Variants in NOL11 observed in about 807,000 individuals in gnomAD.
The protein encoded by NOL11 is nucleolar protein 11.
A neutral mutation model predicts 93.0 loss-of-function variants in NOL11; 42 were observed. The ratio of observed to expected loss-of-function variants is 0.45; its 90% confidence interval spans 0.35 to 0.58. The LOEUF is 0.58. NOL11 is among the 20% of genes least tolerant of loss of function. The pLI, the probability that NOL11 is intolerant of heterozygous loss-of-function variation, is 0.00. For missense variants in NOL11, 775 were observed against 841.8 expected, an observed-to-expected ratio of 0.92 and a Z score of 0.98; for synonymous variants, 296 against 293.7, an observed-to-expected ratio of 1.01 and a Z score of -0.08.
In NOL11 at chr17:67,721,482, C is replaced by G; in HGVS notation, c.417C>G (p.Pro139=). ...VRGLEALLAD[P]QQKIETVISD... ...GTTTAGAGGCCTTGCTTGCAGACCCCCAGCAGAAAATTGAAACTGTTATCT... is the reference window on the plus strand; with the variant it reads ...GTTTAGAGGCCTTGCTTGCAGACCCGCAGCAGAAAATTGAAACTGTTATCT... The change falls in exon 4 of 18, where the codon CCC becomes CCG. Residue 139 remains proline (P), a synonymous_variant. Transcript: ENST00000253247. 1 of 1,613,924 alleles carries G rather than the reference C, an allele frequency of 6.2e-7. No individual in the cohort carries two copies. Among genetic ancestry groups the G allele is most frequent in the Non-Finnish European group, 8.5e-7 (1 of 1,179,912 alleles).
chr17:67,725,344 C>T (rs546402051), intron 6 of NOL11, among the ~76,000 whole-genome samples: 1 of 152,082 alleles, frequency 6.6e-6, no homozygotes, highest in East Asian at 1.9e-4. Flanking sequence ...GATTGTAATA[C>T]CTTTATGAAA....
chr17:67,739,130 G>T, intron 15 of NOL11, 120 bp downstream of exon 15: 2 of 755,992 alleles, frequency 2.6e-6, no homozygotes, highest in Admixed American at 5.2e-5. Flanking sequence ...ATAAGAGGTT[G>T]CCCAGCTCTA....
At chr17:67,733,162 G>A (rs551602769) in intron 7 of NOL11, among the ~76,000 whole-genome samples, 1 of 151,788 alleles carries the variant, frequency 6.6e-6, no homozygotes, top group East Asian at 2.0e-4. Context: ...TCAGGAGTTC[G>A]AGACCAGCCT....
intron 7 of NOL11, among the ~76,000 whole-genome samples, chr17:67,733,429 CAGT>C (rs2055173227): frequency 1.3e-5 from 2 of 152,132 alleles, no homozygotes; most frequent in African/African-American, 2.4e-5. Context: ...ACTTGAATAG[CAGT>C]GGTGAAAATA....
intron 16 of NOL11, among the ~76,000 whole-genome samples, chr17:67,741,850 C>T (rs1012629941): frequency 6.6e-6 from 1 of 152,174 alleles, no homozygotes; most frequent in African/African-American, 2.4e-5. Flanking sequence ...AGGCTTAAGC[C>T]ACCGCACCCG....
chr17:67,735,202 AGCAAGG>A (rs2055189994), intron 8 of NOL11, among the ~76,000 whole-genome samples: 1 of 152,228 alleles, frequency 6.6e-6, no homozygotes, highest in Non-Finnish European at 1.5e-5. Context: ...TTCAGTGCTT[AGCAAGG>A]TGCACAGTAA....
At chr17:67,736,047 T>A in intron 9 of NOL11, 24 bp downstream of exon 9, 2 of 1,591,046 alleles carry the variant, frequency 1.3e-6, no homozygotes, top group East Asian at 4.5e-5. Flanking sequence ...TCTGTTTGTT[T>A]TATTAATACA....
chr17:67,741,270 G>GT (rs2055254427), intron 16 of NOL11, among the ~76,000 whole-genome samples: 1 of 151,994 alleles, frequency 6.6e-6, no homozygotes, highest in Non-Finnish European at 1.5e-5. Context: ...GGGTTTTACC[G>GT]TATTGACCAG....
At position 67,726,476 on chromosome 17, in the gene NOL11, A is replaced by G. The variant is rs1472610739; in HGVS notation, c.681A>G (p.Ile227Met). Residue 227 changes from isoleucine (I) to methionine (M), a missense_variant, in exon 7 of 18, where the codon ATA becomes ATG. Ile to Met is a conservative substitution (Grantham distance 10). Transcript: ENST00000253247. ...SLMSLSSDGC[I>M]YETLIPIRPA... ...TTCCAACAGGCTCTGATGGTTGTAT[A>G]TATGAAACCTTGATACCAATACGTC... 6 of 1,612,646 alleles carry G rather than the reference A, an allele frequency of 3.7e-6. 1 individual carries two copies. In the South Asian group the frequency reaches 4.4e-5, roughly 12 times the overall value.
At position 67,724,140 on chromosome 17, in the gene NOL11, TA is replaced by T; in HGVS notation, c.614del (p.Lys205ArgfsTer7). On this transcript the variant is annotated frameshift_variant, in exon 6 of 18. Transcript: ENST00000253247. LOFTEE classifies it high-confidence loss of function. The stretch of plus-strand genomic sequence containing the variant: ...CTTGGACAAGACGAAAACTCTGTTA[TA>T]AAGAGTTTTACTGCATCTGTAGATC... ...LLLGQDENSV[I>X]KSFTASVDRK... 1.3e-6 allele frequency: 2 copies of T among 1,592,616 alleles called. No individual in the cohort carries two copies. Among genetic ancestry groups the T allele is most frequent in the Non-Finnish European group, 1.7e-6 (2 of 1,169,048 alleles).
chr17:67,718,230 C>A (rs2043190745), intron 1 of NOL11, 142 bp downstream of exon 1: 1 of 1,132,186 alleles, frequency 8.8e-7, no homozygotes, highest in Non-Finnish European at 1.2e-6. Flanking sequence ...GTTGGGGACG[C>A]TGAGTGAGGT....
At chr17:67,721,558 A>G in intron 4 of NOL11, 32 bp downstream of exon 4, 1 of 1,574,910 alleles carries the variant, frequency 6.3e-7, no homozygotes, top group African/African-American at 1.4e-5. Flanking sequence ...TAAATTTATC[A>G]AAATAAAAAT....
Position 67,743,756 on chromosome 17 carries a change from C to A in NOL11, c.2057C>A (p.Ser686Tyr). Residue 686 changes from serine to tyrosine, a missense_variant, in exon 18 of 18, where the codon TCT becomes TAT. By Grantham distance (144) the Ser-to-Tyr change is moderately radical. Transcript: ENST00000253247. ...TCTTTTCTTTAGATATCTGTTTATT[C>A]TGAGCTCAACAAGATTGAAGTAAGT... ...KLVKSQISVYSELNKIEVSFR... is the reference protein window; with the variant it reads ...KLVKSQISVYYELNKIEVSFR... 1 of 1,520,208 alleles carries A rather than the reference C, an allele frequency of 6.6e-7. No individual in the cohort carries two copies. Among genetic ancestry groups the A allele is most frequent in the South Asian group, 1.3e-5 (1 of 78,964 alleles). The allele number at this position is 1,520,208 out of a possible 1,614,324, so 94.2% of individuals were successfully genotyped here. A position where few individuals can be genotyped will look rare whatever the true frequency, so the allele number is the denominator to read the frequency against.
Position 67,734,371 on chromosome 17 carries a change from T to A in NOL11, c.862T>A (p.Ser288Thr). The change falls in exon 8 of 18, where the codon TCT becomes ACT. Residue 288 changes from serine to threonine, a missense_variant. This residue lies in a region of NOL11 where 416 missense variants were observed against 525.2 expected (regional missense o/e 0.79). Coordinates refer to ENST00000253247, the MANE Select transcript of NOL11 (RefSeq NM_015462.5). ...SPLAASKECL[S>T]VWNIKFQTLQ... ...TATGTCTTATTTTATAGAATGCCTC[T>A]CTGTATGGAACATAAAATTTCAAAC... The A allele has an allele frequency of 6.3e-7, 1 of 1,587,452 alleles. No homozygotes were observed. The highest frequency in any genetic ancestry group is 8.6e-7 in the Non-Finnish European group (1 of 1,156,724).
chr17:67,739,702 C>T, intron 16 of NOL11, 94 bp downstream of exon 16: 3 of 750,484 alleles, frequency 4.0e-6, no homozygotes, highest in East Asian at 2.8e-5. Context: ...GAGCTGACTT[C>T]TTGTTTCCTA....
At chr17:67,742,517 A>C (rs1044335777) in intron 16 of NOL11, among the ~76,000 whole-genome samples, 1 of 152,152 alleles carries the variant, frequency 6.6e-6, no homozygotes, top group Non-Finnish European at 1.5e-5. Context: ...TCATGCTATT[A>C]AAATTAAAGT....
intron 7 of NOL11, 36 bp downstream of exon 7, chr17:67,726,684 A>C: frequency 6.8e-7 from 1 of 1,471,156 alleles, no homozygotes; most frequent in Non-Finnish European, 9.2e-7. Context: ...AGGCCTTTGT[A>C]TGTTTCCTTC....
Position 67,731,486 on chromosome 17 carries a change from C to T in NOL11, c.854-2877C>T, listed in dbSNP as rs548375712. Among the ~76,000 whole-genome samples, 26 of 3,234 alleles carry T rather than the reference C, an allele frequency of 8.0e-3. 12 individuals are homozygous for T. In the East Asian group the frequency reaches 0.5, roughly 62 times the overall value. The allele number at this position is 3,234 out of a possible 152,430, so 2.1% of individuals were successfully genotyped here. On this transcript the variant is annotated intron_variant, in intron 7 of 17. Coordinates refer to ENST00000253247, the MANE Select transcript of NOL11 (RefSeq NM_015462.5). Reference sequence around the variant, plus strand: ...CACCGTGGTCTCGATCTCCTGACCTCGTGATCCGCCCGCCTCGGCCTCCCA... The same window carrying T: ...CACCGTGGTCTCGATCTCCTGACCTTGTGATCCGCCCGCCTCGGCCTCCCA...
intron 7 of NOL11, among the ~76,000 whole-genome samples, chr17:67,727,984 G>C (rs2055114306): frequency 6.6e-6 from 1 of 151,284 alleles, no homozygotes; most frequent in South Asian, 2.1e-4. Flanking sequence ...GTGCGAGCCG[G>C]GCACAGTAGC....
Sources: gnomAD v4.1 joint callset for allele counts (sites outside exome capture counted in the v4.1 genomes callset) on GRCh38, gnomAD v4.1.1 for gene constraint, gnomAD v4.1.1 regional missense constraint, MANE v1.5 for transcripts, NCBI Gene and HGNC (gene_info 2026-07-23, HGNC 2026-07-21) for gene names.